The following ARIH1 variants were observed in gnomAD, a reference collection of about 807,000 sequenced individuals.
ARIH1 encodes E3 ubiquitin-protein ligase ARIH1.
In ARIH1, 8 loss-of-function variants were observed where a neutral mutation model predicts 85.0. That is an observed-to-expected ratio of 0.09 (90% confidence interval 0.06 to 0.17). ARIH1 has a LOEUF of 0.17. Among genes scored for constraint, ARIH1 ranks in the 10% least tolerant of loss-of-function variants. ARIH1 has a pLI of 1.00. For synonymous variants in ARIH1, 238 were observed against 253.6 expected (o/e 0.94, Z 0.59); for missense variants, 311 against 718.1 (o/e 0.43, Z 6.48).
intron 3 of ARIH1, among the ~76,000 whole-genome samples, chr15:72,553,507 C>A (rs908686147): frequency 1.3e-5 from 2 of 152,002 alleles, no homozygotes; most frequent in African/African-American, 4.8e-5. Flanking sequence ...TTATAACCCC[C>A]CAGGAGATAA....
At chr15:72,580,693 G>C (rs1304221348) in intron 11 of ARIH1, 38 bp from the exon 12 acceptor site, 1 of 1,576,306 alleles carries the variant, frequency 6.3e-7, no homozygotes, top group Non-Finnish European at 8.6e-7. Flanking sequence ...CAGTTTATGT[G>C]TTATAATTAT....
chr15:72,534,872 T>C (rs1037353306), intron 2 of ARIH1, among the ~76,000 whole-genome samples: 3 of 152,038 alleles, frequency 2.0e-5, no homozygotes, highest in African/African-American at 7.2e-5. Flanking sequence ...TCAAGAATAC[T>C]TCATTCTGGG....
At chr15:72,544,623 A>G (rs2064121301) in intron 2 of ARIH1, among the ~76,000 whole-genome samples, 197 bp from the exon 3 acceptor site, 1 of 151,316 alleles carries the variant, frequency 6.6e-6, no homozygotes, top group African/African-American at 2.5e-5. Context: ...ATATATATAT[A>G]TATGCACATG....
At position 72,474,873 on chromosome 15, in the gene ARIH1, TGGCGGCGGCGGC is replaced by T. The variant is rs375614248; in HGVS notation, c.246_257del (p.Gly87_Gly90del). 6 of 1,413,062 alleles carry T rather than the reference TGGCGGCGGCGGC, an allele frequency of 4.2e-6. No homozygotes were observed. Among genetic ancestry groups the T allele is most frequent in the East Asian group, 3.0e-5 (1 of 32,874 alleles). 87.5% of individuals were successfully genotyped at this position (1,413,062 alleles called of 1,614,324 possible). ...GCGGCAGCGCTCTGGGGCCCGGCGG[TGGCGGCGGCGGC>T]GGCGGCGGCGGTGGTGGTGGCGGGC... On this transcript the variant is annotated inframe_deletion, in exon 1 of 14. Coordinates refer to ENST00000379887, the MANE Select transcript of ARIH1 (RefSeq NM_005744.5).
intron 1 of ARIH1, among the ~76,000 whole-genome samples, chr15:72,479,685 C>T (rs1048482376): frequency 5.3e-5 from 8 of 151,940 alleles, no homozygotes; most frequent in Non-Finnish European, 1.2e-4. Flanking sequence ...GGATTACAGG[C>T]GTGAGCCACC....
chr15:72,548,476 A>G (rs2064139033), intron 3 of ARIH1, among the ~76,000 whole-genome samples: 1 of 152,212 alleles, frequency 6.6e-6, no homozygotes, highest in African/African-American at 2.4e-5. Context: ...AATGGAAGCA[A>G]TAAATGTAAT....
At chr15:72,533,411 C>T (rs2064066985) in intron 2 of ARIH1, among the ~76,000 whole-genome samples, 1 of 152,122 alleles carries the variant, frequency 6.6e-6, no homozygotes. Flanking sequence ...GGCGTGAGCC[C>T]GTGGGCCCGG....
intron 11 of ARIH1, among the ~76,000 whole-genome samples, chr15:72,579,746 G>A (rs145383484): frequency 2.8e-4 from 43 of 152,276 alleles, no homozygotes; most frequent in Admixed American, 9.8e-4. Flanking sequence ...AGCAGTAGAT[G>A]TCTATTCCTG....
chr15:72,555,141 C>T, intron 3 of ARIH1, 130 bp from the exon 4 acceptor site: 3 of 629,808 alleles, frequency 4.8e-6, no homozygotes, highest in Non-Finnish European at 8.4e-6. Flanking sequence ...ATTTTAGGAG[C>T]CCATCTATTG....
chr15:72,545,110 G>C, intron 3 of ARIH1, 146 bp downstream of exon 3: 1 of 705,044 alleles, frequency 1.4e-6, no homozygotes, highest in Non-Finnish European at 2.0e-6. Context: ...TGTGAGGAAA[G>C]GAAGAAAAAG....
Position 72,601,369 on chromosome 15 carries a change from T to C in ARIH1, c.*18077T>C, listed in dbSNP as rs898484611. Reference sequence around the variant, plus strand: ...TGCCCTTAAAATAAAATTCCTCATATGGCCTTTGTGGATCTGCACTCCTAC... The same window carrying C: ...TGCCCTTAAAATAAAATTCCTCATACGGCCTTTGTGGATCTGCACTCCTAC... On this transcript the variant is annotated 3_prime_UTR_variant, in exon 14 of 14. Coordinates refer to ENST00000379887, the MANE Select transcript of ARIH1 (RefSeq NM_005744.5). 8 of 152,366 alleles carry C rather than the reference T, an allele frequency of 5.3e-5. No individual in the cohort carries two copies. The highest frequency in any genetic ancestry group is 3.4e-3 in the Middle Eastern group (1 of 294). The allele number at this position is 152,366 out of a possible 1,614,324, so 9.4% of individuals were successfully genotyped here.
chr15:72,556,403 T>A lies in ARIH1; in HGVS notation c.737+496T>A, dbSNP rs542677841. 2.6e-5 allele frequency among the ~76,000 whole-genome samples: 4 copies of A among 152,324 alleles called. No homozygotes were observed. In the South Asian group the frequency reaches 8.3e-4, roughly 32 times the overall value. On this transcript the variant is annotated intron_variant, in intron 5 of 13. Coordinates refer to ENST00000379887, the MANE Select transcript of ARIH1 (RefSeq NM_005744.5). Reference sequence around the variant, plus strand: ...AGTGCATAGATTGCCCATAGAGGAATACCTCAATAAGTAGAAAGAGCTGGG... The same window carrying A: ...AGTGCATAGATTGCCCATAGAGGAAAACCTCAATAAGTAGAAAGAGCTGGG...
At position 72,601,553 on chromosome 15, in the gene ARIH1, C is replaced by T. The variant is rs1252865667; in HGVS notation, c.*18261C>T. The T allele has an allele frequency of 2.6e-5, 4 of 152,186 alleles. No homozygotes were observed. The highest frequency in any genetic ancestry group is 5.9e-5 in the Non-Finnish European group (4 of 68,050). The allele number at this position is 152,186 out of a possible 1,614,324, so 9.4% of individuals were successfully genotyped here. A position where few individuals can be genotyped will look rare whatever the true frequency, so the allele number is the denominator to read the frequency against. ...TTCCTGGCCTGCACATGTCTTCATC[C>T]CCTTTCCCTAAGCTAATGCCTTACC... On this transcript the variant is annotated 3_prime_UTR_variant, in exon 14 of 14. Coordinates refer to ENST00000379887, the MANE Select transcript of ARIH1 (RefSeq NM_005744.5).
intron 2 of ARIH1, among the ~76,000 whole-genome samples, chr15:72,539,358 T>C (rs924222235): frequency 6.6e-6 from 1 of 152,068 alleles, no homozygotes; most frequent in Non-Finnish European, 1.5e-5. Flanking sequence ...AGAAATCAGC[T>C]TTGTCTTAGG....
At chr15:72,509,124 G>C (rs2063939339) in intron 1 of ARIH1, among the ~76,000 whole-genome samples, 1 of 151,898 alleles carries the variant, frequency 6.6e-6, no homozygotes, top group Non-Finnish European at 1.5e-5. Flanking sequence ...CCAAGTAGCT[G>C]GGACTACAGG....
intron 11 of ARIH1, among the ~76,000 whole-genome samples, chr15:72,579,644 T>C (rs1024907067): frequency 3.3e-5 from 5 of 152,308 alleles, no homozygotes; most frequent in South Asian, 2.1e-4. Flanking sequence ...GTTTCTTAAA[T>C]TGAATTTTAA....
At position 72,582,584 on chromosome 15, in the gene ARIH1, C is replaced by CAT. The variant is rs201052945; in HGVS notation, c.1589+412_1589+413dup. On this transcript the variant is annotated intron_variant, in intron 13 of 13. Coordinates refer to ENST00000379887, the MANE Select transcript of ARIH1 (RefSeq NM_005744.5). This position sits in a 1 kb window ranked among gnomAD's most constrained non-coding sequence, Gnocchi z 4.6. ...AACTTACTTTTTAGAGTTTTTATTACATATATATATATATATTTTTTTAAT... is the reference window on the plus strand; with the variant it reads ...AACTTACTTTTTAGAGTTTTTATTACATATATATATATATATATTTTTTTAAT... Among the ~76,000 whole-genome samples the CAT allele has an allele frequency of 5.0e-4, 74 of 149,182 alleles. No homozygotes were observed. The highest frequency in any genetic ancestry group is 1.8e-3 in the East Asian group (9 of 5,120).
chr15:72,552,929 C>CA (rs1448831742), intron 3 of ARIH1, among the ~76,000 whole-genome samples: 2 of 151,990 alleles, frequency 1.3e-5, no homozygotes, highest in Non-Finnish European at 2.9e-5. Context: ...TGCCTGCCAC[C>CA]ACACCTGCCT....
In ARIH1 at chr15:72,584,792, G is replaced by A. The variant is rs1046528064; in HGVS notation, c.*1500G>A. On this transcript the variant is annotated 3_prime_UTR_variant, in exon 14 of 14. Transcript: ENST00000379887. Reference sequence around the variant, plus strand: ...GCTATGTTAAAAGTAAAGGATGGTGGTGGTTGTATTAACTATATACCTGTT... The same window carrying A: ...GCTATGTTAAAAGTAAAGGATGGTGATGGTTGTATTAACTATATACCTGTT... The A allele has an allele frequency of 2.0e-5, 3 of 151,736 alleles. No individual in the cohort carries two copies. Among genetic ancestry groups the A allele is most frequent in the African/African-American group, 2.4e-5 (1 of 41,252 alleles). The allele number at this position is 151,736 out of a possible 1,614,324, so 9.4% of individuals were successfully genotyped here. A position where few individuals can be genotyped will look rare whatever the true frequency, so the allele number is the denominator to read the frequency against.
Sources: allele counts gnomAD v4.1 joint callset (sites outside exome capture counted in the v4.1 genomes callset), GRCh38; gene constraint gnomAD v4.1.1; non-coding constraint Gnocchi (gnomAD v3.1); transcripts MANE v1.5; gene names NCBI Gene and HGNC (gene_info 2026-07-23, HGNC 2026-07-21).